PANK4: variants seen among roughly 807,000 people sequenced by gnomAD.
PANK4 encodes 4'-phosphopantetheine phosphatase.
PANK4 carries 40 observed loss-of-function variants against 87.9 expected under a neutral mutation model. That is an observed-to-expected ratio of 0.46 (90% CI 0.35 to 0.59). The LOEUF (loss-of-function observed/expected upper bound fraction) is 0.59. PANK4 is among the 20% of genes least tolerant of loss of function. The pLI, the probability that PANK4 is intolerant of heterozygous loss-of-function variation, is 0.00. For synonymous variants in PANK4, 524 were observed against 467.4 expected, an observed-to-expected ratio of 1.12 and a Z score of -1.56; for missense variants, 926 against 1,072.3, an observed-to-expected ratio of 0.86 and a Z score of 1.90.
Position 2,526,507 on chromosome 1 carries a change from G to C in PANK4, c.81C>G (p.Ile27Met). 2 of 1,584,812 alleles carry C rather than the reference G, an allele frequency of 1.3e-6. No individual in the cohort carries two copies. The highest frequency in any genetic ancestry group is 1.7e-6 in the Non-Finnish European group (2 of 1,167,510). Residue 27 changes from isoleucine (I) to methionine (M), a missense_variant, in exon 1 of 19, where the codon ATC (isoleucine) becomes ATG (methionine). Ile to Met is a conservative substitution (Grantham distance 10). Coordinates refer to ENST00000378466, the MANE Select transcript of PANK4 (RefSeq NM_018216.4). ...GCTTGGCGTTCTCCAGGTTGCGGAAGATCTCGTCGGGGGGCAGCGTGATGC... is the reference window on the plus strand; with the variant it reads ...GCTTGGCGTTCTCCAGGTTGCGGAACATCTCGTCGGGGGGCAGCGTGATGC... Reference protein sequence around the residue: ...DKSITLPPDEIFRNLENAKRF... With the variant: ...DKSITLPPDEMFRNLENAKRF...
chr1:2,508,611 T>TA lies in PANK4; in HGVS notation c.*235_*236insT, dbSNP rs1643606290. 2 of 229,574 alleles carry TA rather than the reference T, an allele frequency of 8.7e-6. No homozygotes were observed. Among genetic ancestry groups the TA allele is most frequent in the Non-Finnish European group, 1.5e-5 (2 of 132,570 alleles). The allele number at this position is 229,574 out of a possible 1,614,324, so 14.2% of individuals were successfully genotyped here. A position where few individuals can be genotyped will look rare whatever the true frequency, so the allele number is the denominator to read the frequency against. Reference sequence around the variant, plus strand: ...AGACATACCTGTATAGATCTCTCTATTTATATATATATATATATAAAAGGT... The same window carrying TA: ...AGACATACCTGTATAGATCTCTCTATATTATATATATATATATATAAAAGGT... On this transcript the variant is annotated 3_prime_UTR_variant, in exon 19 of 19. Coordinates refer to ENST00000378466, the MANE Select transcript of PANK4 (RefSeq NM_018216.4). The surrounding 1 kb of genome is among the most constrained non-coding windows in gnomAD (Gnocchi z 5.1).
At chr1:2,521,040 G>C (rs1464730569) in intron 3 of PANK4, 61 bp downstream of exon 3, 52 of 1,542,300 alleles carry the variant, frequency 3.4e-5, no homozygotes, top group Non-Finnish European at 3.7e-5. Context: ...GCGGCTCTGG[G>C]ACACCCAGGG....
chr1:2,522,227 C>T (rs1486440594), intron 1 of PANK4, among the ~76,000 whole-genome samples: 1 of 152,224 alleles, frequency 6.6e-6, no homozygotes, highest in East Asian at 1.9e-4. Context: ...CCTCGACCGT[C>T]CCTGCTTACA....
At chr1:2,513,242 A>G (rs1643694773) in intron 12 of PANK4, among the ~76,000 whole-genome samples, 1 of 152,242 alleles carries the variant, frequency 6.6e-6, no homozygotes, top group African/African-American at 2.4e-5. Context: ...GAGGCCCAGG[A>G]CAACTTCAGC....
rs1406309274 is a variant in PANK4, at chr1:2,509,490, A to AC, written c.2108+371dup. On this transcript the variant is annotated intron_variant, in intron 18 of 18. Coordinates refer to ENST00000378466, the MANE Select transcript of PANK4 (RefSeq NM_018216.4). The surrounding 1 kb of genome is among the most constrained non-coding windows in gnomAD (Gnocchi z 4.9). ...GGACAGACAGCACCACATACAATTG[A>AC]CTAATGACCTCCAGAACCACAGAAG... 6.6e-6 allele frequency among the ~76,000 whole-genome samples: 1 copy of AC among 152,264 alleles called. No homozygotes were observed. The highest frequency in any genetic ancestry group is 2.4e-5 in the African/African-American group (1 of 41,558).
intron 12 of PANK4, 31 bp downstream of exon 12, chr1:2,513,971 C>T (rs115874120): frequency 0.014 from 21,470 of 1,506,190 alleles, 206 homozygotes; most frequent in Non-Finnish European, 0.016. Flanking sequence ...GGGACAAGAG[C>T]GAGCGGAAGG....
In PANK4 at chr1:2,515,656, T is replaced by C; in HGVS notation, c.1280A>G (p.Asp427Gly). 2 of 1,612,964 alleles carry C rather than the reference T, an allele frequency of 1.2e-6. No individual in the cohort carries two copies. Among genetic ancestry groups the C allele is most frequent in the East Asian group, 2.2e-5 (1 of 44,846 alleles). The change falls in exon 10 of 19, where the codon GAC becomes GGC. Residue 427 changes from aspartate to glycine, a missense_variant. By Grantham distance (94) the Asp-to-Gly change is moderately conservative. Transcript: ENST00000378466. This position sits in a 1 kb window ranked among gnomAD's most constrained non-coding sequence, Gnocchi z 5.0. ...CGTGTCGGGCACGTAGGAGGGCGGG[T>C]CCAGGAGGAGCGGCAGGTCAACCAG... ...RPLVDLPLLLDPPSYVPDTVD... is the reference protein window; with the variant it reads ...RPLVDLPLLLGPPSYVPDTVD...
chr1:2,519,307 T>C lies in PANK4; in HGVS notation c.871A>G (p.Met291Val). 2 of 1,608,760 alleles carry C rather than the reference T, an allele frequency of 1.2e-6. No homozygotes were observed. The highest frequency in any genetic ancestry group is 1.7e-6 in the Non-Finnish European group (2 of 1,177,204). The part of the protein sequence containing the change: ...TADQEFSKED[M>V]AKSLLHMISN... ...ATCATGTGCAGCAGGCTCTTCGCCA[T>C]GTCTTCTTTGGAGAACTCTGAGGAA... is the stretch of plus-strand genomic sequence containing the variant. The change falls in exon 7 of 19, where the codon ATG (methionine) becomes GTG (valine). Residue 291 changes from methionine to valine, a missense_variant. Met to Val is a conservative substitution (Grantham distance 21, BLOSUM62 1). Coordinates refer to ENST00000378466, the MANE Select transcript of PANK4 (RefSeq NM_018216.4). This position sits in a 1 kb window ranked among gnomAD's most constrained non-coding sequence, Gnocchi z 8.3.
chr1:2,521,442 A>C (rs1275271151), intron 2 of PANK4, 127 bp from the exon 3 acceptor site: 2 of 833,738 alleles, frequency 2.4e-6, no homozygotes, highest in Non-Finnish European at 4.0e-6. Context: ...CTGAGGCAGA[A>C]TCCTGGGCAA....
chr1:2,526,583 G>C lies in PANK4; in HGVS notation c.5C>G (p.Ala2Gly). The change falls in exon 1 of 19, where the codon GCG (alanine) becomes GGG (glycine). Residue 2 changes from alanine to glycine, a missense_variant. Transcript: ENST00000378466. ...CCCGCTGCCGCTCGCTCCACACTCC[G>C]CCATTTTGAAAGTGCCCGGCCAGCT... MAECGASGSGSS... is the reference protein window; with the variant it reads MGECGASGSGSS... The C allele has an allele frequency of 6.3e-7, 1 of 1,599,574 alleles. No individual in the cohort carries two copies. The highest frequency in any genetic ancestry group is 8.5e-7 in the Non-Finnish European group (1 of 1,173,750).
At position 2,519,282 on chromosome 1, in the gene PANK4, A is replaced by G; in HGVS notation, c.896T>C (p.Ile299Thr). ...EDMAKSLLHM[I>T]SNDIGQLACL... ...GGCCAGCTGCCCAATGTCGTTGCTG[A>G]TCATGTGCAGCAGGCTCTTCGCCAT... The change falls in exon 7 of 19, where the codon ATC (isoleucine) becomes ACC (threonine). Residue 299 changes from isoleucine (I) to threonine (T), a missense_variant. Coordinates refer to ENST00000378466, the MANE Select transcript of PANK4 (RefSeq NM_018216.4). This position sits in a 1 kb window ranked among gnomAD's most constrained non-coding sequence, Gnocchi z 8.3. 6.2e-7 allele frequency: 1 copy of G among 1,611,832 alleles called. No individual in the cohort carries two copies. Among genetic ancestry groups the G allele is most frequent in the South Asian group, 1.1e-5 (1 of 91,050 alleles).
intron 1 of PANK4, among the ~76,000 whole-genome samples, chr1:2,522,216 C>CT (rs1643880934): frequency 6.6e-6 from 1 of 152,198 alleles, no homozygotes; most frequent in Non-Finnish European, 1.5e-5. Flanking sequence ...AAGAAGTACA[C>CT]CCTCGACCGT....
intron 1 of PANK4, among the ~76,000 whole-genome samples, chr1:2,524,286 G>A (rs1174719085): frequency 6.6e-6 from 1 of 152,064 alleles, no homozygotes; most frequent in African/African-American, 2.4e-5. Context: ...CCTAGATCCA[G>A]ACACAGGCAA....
At chr1:2,523,962 T>C (rs1341577327) in intron 1 of PANK4, among the ~76,000 whole-genome samples, 1 of 152,226 alleles carries the variant, frequency 6.6e-6, no homozygotes, top group Non-Finnish European at 1.5e-5. Context: ...ATCTGAGCCA[T>C]GGCCTTCTAG....
chr1:2,524,599 T>C (rs1290523284), intron 1 of PANK4, among the ~76,000 whole-genome samples: 1 of 152,112 alleles, frequency 6.6e-6, no homozygotes, highest in Non-Finnish European at 1.5e-5. Context: ...AGGCTGGTAC[T>C]CCAGGGCCCT....
At chr1:2,524,798 T>C (rs1022040157) in intron 1 of PANK4, among the ~76,000 whole-genome samples, 1 of 152,142 alleles carries the variant, frequency 6.6e-6, no homozygotes, top group Non-Finnish European at 1.5e-5. Flanking sequence ...AATCCCCCAG[T>C]GTAAGGGCAG....
In PANK4 at chr1:2,519,196, C is replaced by A. The variant is rs778272934; in HGVS notation, c.982G>T (p.Gly328Cys). 2 of 1,612,674 alleles carry A rather than the reference C, an allele frequency of 1.2e-6. No homozygotes were observed. The highest frequency in any genetic ancestry group is 1.7e-6 in the Non-Finnish European group (2 of 1,179,912). ...ATGGTGCGCATGGTCACGGGGTGGC[C>A]CCGGATAAAGAAGCCTCCAAAGTAC... Reference protein sequence around the residue: ...RVYFGGFFIRGHPVTMRTITY... With the variant: ...RVYFGGFFIRCHPVTMRTITY... The change falls in exon 7 of 19, where the codon GGC (glycine) becomes TGC (cysteine). Residue 328 changes from glycine (G) to cysteine (C), a missense_variant. Gly to Cys is a radical substitution (Grantham distance 159). Transcript: ENST00000378466. This position sits in a 1 kb window ranked among gnomAD's most constrained non-coding sequence, Gnocchi z 8.3.
chr1:2,510,562 C>A lies in PANK4; in HGVS notation c.1938+116G>T. The A allele has an allele frequency of 1.4e-6, 1 of 699,154 alleles. No individual in the cohort carries two copies. Among genetic ancestry groups the A allele is most frequent in the East Asian group, 2.5e-5 (1 of 40,460 alleles). 43.3% of individuals were successfully genotyped at this position (699,154 alleles called of 1,614,324 possible). On this transcript the variant is annotated intron_variant, in intron 16 of 18. Transcript: ENST00000378466. The surrounding 1 kb of genome is among the most constrained non-coding windows in gnomAD (Gnocchi z 4.9). ...CGCCTCCCCCGTGCTGCTGCCTGCA[C>A]CTACCTGCTGCGTCCGGAGGAGCCC...
rs748318339 is a variant in PANK4, at chr1:2,519,353, C to G, written c.854-29G>C. 2 of 1,563,084 alleles carry G rather than the reference C, an allele frequency of 1.3e-6. No homozygotes were observed. The highest frequency in any genetic ancestry group is 2.3e-5 in the South Asian group (2 of 88,020). ...AGGAAGGGAAGGAAAAGGCACTCATCTCCAAGTACAGCAAGTGCACGACAT... is the reference window on the plus strand; with the variant it reads ...AGGAAGGGAAGGAAAAGGCACTCATGTCCAAGTACAGCAAGTGCACGACAT... On this transcript the variant is annotated intron_variant, in intron 6 of 18. Transcript: ENST00000378466. The surrounding 1 kb of genome is among the most constrained non-coding windows in gnomAD (Gnocchi z 8.3).
Sources: gnomAD v4.1 joint callset for allele counts (sites outside exome capture counted in the v4.1 genomes callset) on GRCh38, gnomAD v4.1.1 for gene constraint, Gnocchi (gnomAD v3.1) non-coding constraint, MANE v1.5 for transcripts, NCBI Gene and HGNC (gene_info 2026-07-23, HGNC 2026-07-21) for gene names.